Variants in GBF1 observed in about 807,000 individuals in gnomAD.
GBF1 encodes the protein golgi brefeldin A resistant guanine nucleotide exchange factor 1.
GBF1 carries 114 observed loss-of-function variants against 210.5 expected under a neutral mutation model. That is an observed-to-expected ratio of 0.54 (90% CI 0.47 to 0.63). The LOEUF is 0.63. Among genes scored for constraint, GBF1 ranks in the 30% least tolerant of loss-of-function variants. The pLI is 0.00. For missense variants in GBF1, 1,851 were observed against 2,357.7 expected (o/e 0.79, Z 4.45); for synonymous variants, 850 against 889.2 (o/e 0.96, Z 0.78).
At chr10:102,249,942 G>A (rs762335694) in intron 1 of GBF1, among the ~76,000 whole-genome samples, 7 of 151,930 alleles carry the variant, frequency 4.6e-5, no homozygotes, top group African/African-American at 1.5e-4. Flanking sequence ...CGCCCACCTC[G>A]GCCTCCCAAA....
At chr10:102,254,993 AT>A (rs974862115) in intron 1 of GBF1, among the ~76,000 whole-genome samples, 3 of 152,084 alleles carry the variant, frequency 2.0e-5, no homozygotes, top group African/African-American at 7.2e-5. Context: ...CTAGAAGGAG[AT>A]TAGGCAGCTC....
intron 3 of GBF1, among the ~76,000 whole-genome samples, chr10:102,276,674 A>G (rs932245882): frequency 6.6e-6 from 1 of 152,142 alleles, no homozygotes. Context: ...CGTAGGCTCA[A>G]TAGTCAACAA....
At chr10:102,276,111 C>T (rs181874369) in intron 3 of GBF1, among the ~76,000 whole-genome samples, 61 of 152,210 alleles carry the variant, frequency 4.0e-4, no homozygotes, top group African/African-American at 1.4e-3. Flanking sequence ...GGTGTGAGCG[C>T]CTGTAATCCC....
intron 33 of GBF1, 32 bp downstream of exon 33, chr10:102,377,172 C>G: frequency 6.4e-7 from 1 of 1,556,494 alleles, no homozygotes; most frequent in African/African-American, 1.4e-5. Flanking sequence ...TCCTCTCCTC[C>G]CCTGCACCTG....
chr10:102,331,851 ATTTTTTTTTTT>A (rs869198412), intron 3 of GBF1, among the ~76,000 whole-genome samples: 2 of 85,320 alleles, frequency 2.3e-5, no homozygotes, highest in Non-Finnish European at 4.3e-5. Flanking sequence ...TACCTGGCTA[ATTTTTTTTTTT>A]TTTTTTTTTT....
chr10:102,363,783 T>A lies in GBF1; in HGVS notation c.2091T>A (p.Ile697=), dbSNP rs1166402954. The A allele has an allele frequency of 1.2e-6, 2 of 1,607,902 alleles. No individual in the cohort carries two copies. The highest frequency in any genetic ancestry group is 1.7e-6 in the Non-Finnish European group (2 of 1,174,744). Residue 697 remains isoleucine (I), a synonymous_variant, in exon 17 of 40, where the codon ATT becomes ATA. Coordinates refer to ENST00000369983, the MANE Select transcript of GBF1 (RefSeq NM_001377137.1). This position sits in a 1 kb window ranked among gnomAD's most constrained non-coding sequence, Gnocchi z 4.2. ...LLPDPRELIE[I]KNKKKLLITG... ...CAGATCCACGGGAACTAATTGAAAT[T>A]AAAAACAAAAAGAAGGTACATACAT...
intron 3 of GBF1, among the ~76,000 whole-genome samples, chr10:102,339,814 CTTACTCTGT>C (rs933864531): frequency 6.6e-6 from 1 of 152,112 alleles, no homozygotes; most frequent in Admixed American, 6.6e-5. Context: ...GGAACAGGGT[CTTACTCTGT>C]CACCCCAGGC....
rs567407243 is a variant in GBF1, at chr10:102,358,061, T to C, written c.662T>C (p.Met221Thr). The change falls in exon 9 of 40, where the codon ATG becomes ACG. Residue 221 changes from methionine (M) to threonine (T), a missense_variant. Around this residue, in one of 3 missense-constraint regions of GBF1, gnomAD observed 804 missense variants for 958.6 expected, o/e 0.84. Transcript: ENST00000369983. ...MKKLKMRAGG[M>T]SDSSKWKKQK... ...CAGCTGAAAATGAGAGCCGGAGGCA[T>C]GAGTGATTCATCCAAATGGAAGAAA... The C allele has an allele frequency of 6.2e-7, 1 of 1,608,308 alleles. No homozygotes were observed. Among genetic ancestry groups the C allele is most frequent in the African/African-American group, 1.3e-5 (1 of 74,920 alleles).
intron 1 of GBF1, among the ~76,000 whole-genome samples, chr10:102,253,167 T>A (rs544190401): frequency 3.7e-4 from 57 of 152,290 alleles, no homozygotes; most frequent in African/African-American, 1.3e-3. Context: ...AGTGCTGGGA[T>A]TACAAGCATG....
intron 3 of GBF1, among the ~76,000 whole-genome samples, chr10:102,320,996 A>G (rs2056336546): frequency 6.6e-6 from 1 of 151,924 alleles, no homozygotes; most frequent in Admixed American, 6.6e-5. Flanking sequence ...GGGTTTCACC[A>G]TGTTGGCCAA....
intron 2 of GBF1, among the ~76,000 whole-genome samples, chr10:102,259,420 CCTT>C (rs1386945494): frequency 2.6e-5 from 4 of 152,168 alleles, no homozygotes; most frequent in East Asian, 1.9e-4. Flanking sequence ...TGATGGTACT[CCTT>C]CTTGGGGGTT....
In GBF1 at chr10:102,370,725, G is replaced by A. The variant is rs766397230; in HGVS notation, c.3525G>A (p.Val1175=). The A allele has an allele frequency of 6.2e-7, 1 of 1,614,070 alleles. No individual in the cohort carries two copies. The highest frequency in any genetic ancestry group is 8.5e-7 in the Non-Finnish European group (1 of 1,179,934). Residue 1175 remains valine (V), a synonymous_variant, in exon 29 of 40, where the codon GTG becomes GTA. Transcript: ENST00000369983. ...VLENRDRVGC[V]WQTVRDHLYH... ...TACACAGGGATCGTGTGGGCTGTGT[G>A]TGGCAGACTGTTCGAGACCATCTAT...
chr10:102,239,723 CT>C, the GBF1 span, among the ~76,000 whole-genome samples: 16 of 152,356 alleles, frequency 1.1e-4, no homozygotes, highest in African/African-American at 3.4e-4. Context: ...CAGTCCCCAG[CT>C]GGGCTATCTT....
At chr10:102,364,414 C>A (rs757070560) in intron 17 of GBF1, among the ~76,000 whole-genome samples, 1 of 148,462 alleles carries the variant, frequency 6.7e-6, no homozygotes, top group Non-Finnish European at 1.5e-5. Context: ...TTAGTAGAGA[C>A]GGGGTTTCAC....
At chr10:102,273,444 T>C (rs2074630194) in intron 3 of GBF1, among the ~76,000 whole-genome samples, 1 of 152,262 alleles carries the variant, frequency 6.6e-6, no homozygotes, top group Admixed American at 6.5e-5. Flanking sequence ...CTGTATTTTC[T>C]GGGTTGTAGC....
At chr10:102,231,899 G>A in the GBF1 span, 2 of 1,560,762 alleles carry the variant, frequency 1.3e-6, no homozygotes, top group Admixed American at 1.7e-5. Flanking sequence ...TGCCCAGCCG[G>A]GGTCCCACCC....
intron 3 of GBF1, among the ~76,000 whole-genome samples, chr10:102,320,728 C>T (rs1348640143): frequency 6.6e-6 from 1 of 152,008 alleles, no homozygotes; most frequent in African/African-American, 2.4e-5. Flanking sequence ...GAATCTCAGA[C>T]AGTTTTCTTT....
intron 3 of GBF1, among the ~76,000 whole-genome samples, chr10:102,303,311 G>C (rs935489548): frequency 6.6e-6 from 1 of 152,066 alleles, no homozygotes; most frequent in Non-Finnish European, 1.5e-5. Context: ...ATGATATGAG[G>C]TAGGGGTCCA....
chr10:102,364,376 C>T (rs2059792627), intron 17 of GBF1, among the ~76,000 whole-genome samples: 1 of 150,844 alleles, frequency 6.6e-6, no homozygotes, highest in Non-Finnish European at 1.5e-5. Flanking sequence ...AGGCGTGTGC[C>T]ACCATGCCTG....
Sources: allele counts gnomAD v4.1 joint callset (sites outside exome capture counted in the v4.1 genomes callset), GRCh38; gene constraint gnomAD v4.1.1; regional missense constraint gnomAD v4.1.1; non-coding constraint Gnocchi (gnomAD v3.1); transcripts MANE v1.5; gene names NCBI Gene and HGNC (gene_info 2026-07-23, HGNC 2026-07-21).